Variants in RFX3 observed in about 807,000 individuals in gnomAD.
RFX3 encodes the protein regulatory factor X3.
Under a neutral mutation model 98.6 loss-of-function variants are expected in RFX3, and 14 were observed. That is an observed-to-expected ratio of 0.14 (90% CI 0.09 to 0.22). RFX3 has a LOEUF of 0.22. RFX3 is among the 10% of genes least tolerant of loss of function. The probability of loss-of-function intolerance (pLI) is 1.00; values close to 1 mark genes in which losing one functional copy is unlikely to be tolerated. For missense variants in RFX3, 639 were observed against 926.9 expected, an observed-to-expected ratio of 0.69 and a Z score of 4.03; for synonymous variants, 383 against 328.4, an observed-to-expected ratio of 1.17 and a Z score of -1.80.
At chr9:3,339,789 G>C (rs1002031197) in intron 3 of RFX3, among the ~76,000 whole-genome samples, 1 of 152,022 alleles carries the variant, frequency 6.6e-6, no homozygotes, top group African/African-American at 2.4e-5. Flanking sequence ...CATGCTCATG[G>C]GTAGGAAGAA....
chr9:3,332,229 T>C (rs1212244204), intron 3 of RFX3, among the ~76,000 whole-genome samples: 2 of 152,204 alleles, frequency 1.3e-5, no homozygotes, highest in Non-Finnish European at 2.9e-5. Flanking sequence ...TTTGGATTTT[T>C]TCAGATTTTG....
chr9:3,292,079 A>AAAAAC (rs1827446459), intron 6 of RFX3, among the ~76,000 whole-genome samples: 1 of 142,992 alleles, frequency 7.0e-6, no homozygotes, highest in African/African-American at 2.5e-5. Flanking sequence ...AAAAAAAAAA[A>AAAAAC]AAAAAAAAAA....
At chr9:3,375,031 T>C (rs538589911) in intron 2 of RFX3, among the ~76,000 whole-genome samples, 4 of 152,274 alleles carry the variant, frequency 2.6e-5, no homozygotes, top group Non-Finnish European at 5.9e-5. Context: ...ATCCATACTA[T>C]TTGCAGTATG....
intron 4 of RFX3, among the ~76,000 whole-genome samples, chr9:3,324,781 G>T (rs1831719397): frequency 1.3e-5 from 2 of 151,980 alleles, no homozygotes; most frequent in South Asian, 2.1e-4. Context: ...TGGCAAACAT[G>T]GTGAAACACC....
At chr9:3,496,362 A>G (rs1389410763) in intron 1 of RFX3, among the ~76,000 whole-genome samples, 2 of 152,004 alleles carry the variant, frequency 1.3e-5, no homozygotes, top group African/African-American at 2.4e-5. Flanking sequence ...GTCATTTTAT[A>G]AAAGTTTAAA....
chr9:3,504,522 A>T, intron 1 of RFX3, among the ~76,000 whole-genome samples: 2 of 132,020 alleles, frequency 1.5e-5, no homozygotes, highest in Non-Finnish European at 3.1e-5. Context: ...TTGCATATAA[A>T]ATATATATTA....
intron 6 of RFX3, among the ~76,000 whole-genome samples, 197 bp from the exon 7 acceptor site, chr9:3,288,447 A>T (rs1318190669): frequency 6.6e-6 from 1 of 152,138 alleles, no homozygotes; most frequent in Non-Finnish European, 1.5e-5. Context: ...ATAAGATTCC[A>T]AATCAATCAG....
At chr9:3,320,742 A>G (rs1831179438) in intron 4 of RFX3, among the ~76,000 whole-genome samples, 1 of 118,316 alleles carries the variant, frequency 8.5e-6, no homozygotes, top group South Asian at 2.4e-4. Context: ...ATGTGCCTAT[A>G]TATACATATA....
intron 3 of RFX3, among the ~76,000 whole-genome samples, chr9:3,339,710 G>C (rs1445116399): frequency 1.3e-5 from 2 of 152,126 alleles, no homozygotes; most frequent in African/African-American, 4.8e-5. Context: ...GTGGGGGAGA[G>C]ACAAGTGATC....
At chr9:3,265,939 A>G (rs1025655463) in intron 12 of RFX3, among the ~76,000 whole-genome samples, 5 of 152,046 alleles carry the variant, frequency 3.3e-5, no homozygotes, top group African/African-American at 9.7e-5. Context: ...TAGAATATAT[A>G]TATCTACTAT....
At chr9:3,438,002 A>G (rs1177528416) in intron 1 of RFX3, among the ~76,000 whole-genome samples, 3 of 152,090 alleles carry the variant, frequency 2.0e-5, no homozygotes, top group Non-Finnish European at 4.4e-5. Context: ...AAATGGAAAA[A>G]AAGAAGACCT....
Position 3,223,576 on chromosome 9 carries a change from G to C in RFX3, c.*1466C>G, listed in dbSNP as rs1817474512. 6.6e-6 allele frequency: 1 copy of C among 152,190 alleles called. No homozygotes were observed. Among genetic ancestry groups the C allele is most frequent in the Non-Finnish European group, 1.5e-5 (1 of 68,044 alleles). 9.4% of individuals were successfully genotyped at this position (152,190 alleles called of 1,614,324 possible). A position where few individuals can be genotyped will look rare whatever the true frequency, so the allele number is the denominator to read the frequency against. On this transcript the variant is annotated 3_prime_UTR_variant, in exon 17 of 17. Coordinates refer to ENST00000617270, the MANE Select transcript of RFX3 (RefSeq NM_001282116.2). ...TCCACACCCTTAAGCAATCTGATTTGTAATCAAGTAATATTCAGCTCTAAG... is the reference window on the plus strand; with the variant it reads ...TCCACACCCTTAAGCAATCTGATTTCTAATCAAGTAATATTCAGCTCTAAG...
intron 2 of RFX3, among the ~76,000 whole-genome samples, chr9:3,363,303 T>A (rs1836672993): frequency 6.6e-6 from 1 of 152,218 alleles, no homozygotes; most frequent in South Asian, 2.1e-4. Flanking sequence ...ATGCAGCACA[T>A]CAAAATATCT....
intron 2 of RFX3, among the ~76,000 whole-genome samples, chr9:3,358,110 T>C (rs1835986741): frequency 6.6e-6 from 1 of 152,136 alleles, no homozygotes; most frequent in Non-Finnish European, 1.5e-5. Flanking sequence ...ATTAGGGTCG[T>C]CAGTTATTTC....
At chr9:3,516,040 A>G (rs1273123134) in intron 1 of RFX3, among the ~76,000 whole-genome samples, 4 of 151,912 alleles carry the variant, frequency 2.6e-5, no homozygotes, top group Non-Finnish European at 5.9e-5. Flanking sequence ...AAGTAGTATT[A>G]AAGTAAAAAA....
chr9:3,404,768 G>A (rs768054829), intron 1 of RFX3, among the ~76,000 whole-genome samples: 8 of 151,868 alleles, frequency 5.3e-5, no homozygotes, highest in Admixed American at 1.3e-4. Context: ...TCAAACTTTG[G>A]TGGTCTTCGA....
At chr9:3,433,805 AG>A in intron 1 of RFX3, among the ~76,000 whole-genome samples, 1 of 152,332 alleles carries the variant, frequency 6.6e-6, no homozygotes, top group African/African-American at 2.4e-5. Context: ...TAAAGGGCCA[AG>A]TAGTAAATAT....
chr9:3,356,370 C>A (rs1835776486), intron 2 of RFX3, among the ~76,000 whole-genome samples: 2 of 151,670 alleles, frequency 1.3e-5, no homozygotes, highest in African/African-American at 4.8e-5. Flanking sequence ...ATAATAAAGA[C>A]AACGTAGTGT....
At chr9:3,371,580 ACTT>A (rs1837867133) in intron 2 of RFX3, among the ~76,000 whole-genome samples, 1 of 152,142 alleles carries the variant, frequency 6.6e-6, no homozygotes, top group South Asian at 2.1e-4. Context: ...ATTATATAAG[ACTT>A]CTTTTCATTA....
Sources: gnomAD v4.1 joint callset for allele counts (sites outside exome capture counted in the v4.1 genomes callset) on GRCh38, gnomAD v4.1.1 for gene constraint, MANE v1.5 for transcripts, NCBI Gene and HGNC (gene_info 2026-07-23, HGNC 2026-07-21) for gene names.